Variants in LSAMP observed in about 807,000 individuals in gnomAD.
The protein encoded by LSAMP is limbic system associated membrane protein.
In LSAMP, 7 loss-of-function variants were observed where a neutral mutation model predicts 38.6. The observed-to-expected ratio is 0.18, with a 90% CI of 0.10 to 0.34. LSAMP has a LOEUF of 0.34. LSAMP is among the 10% of genes least tolerant of loss of function. The pLI is 1.00. For synonymous variants in LSAMP, 154 were observed against 166.8 expected, an observed-to-expected ratio of 0.92 and a Z score of 0.59; for missense variants, 313 against 420.0, an observed-to-expected ratio of 0.75 and a Z score of 2.23.
intron 1 of LSAMP, among the ~76,000 whole-genome samples, chr3:116,416,774 G>T (rs1459107775): frequency 6.6e-6 from 1 of 151,762 alleles, no homozygotes; most frequent in African/African-American, 2.4e-5. Flanking sequence ...TTAAAGGCAC[G>T]TGCAGCATAA....
chr3:116,247,903 A>C (rs1054757891), intron 1 of LSAMP, among the ~76,000 whole-genome samples: 3 of 152,246 alleles, frequency 2.0e-5, no homozygotes, highest in African/African-American at 7.2e-5. Flanking sequence ...AATTATAGTG[A>C]AACATCATGT....
intron 1 of LSAMP, among the ~76,000 whole-genome samples, chr3:116,190,697 C>T (rs1289232561): frequency 6.6e-6 from 1 of 152,160 alleles, no homozygotes; most frequent in Non-Finnish European, 1.5e-5. Context: ...GGGATCATAA[C>T]ATTTTGTTAA....
chr3:115,963,063 G>T (rs902490337), intron 3 of LSAMP, among the ~76,000 whole-genome samples: 26 of 152,086 alleles, frequency 1.7e-4, no homozygotes, highest in Admixed American at 1.0e-3. Flanking sequence ...TATTTAAATG[G>T]TTTTTTTTCC....
intron 6 of LSAMP, among the ~76,000 whole-genome samples, chr3:115,839,664 T>C (rs1553738539): frequency 6.6e-6 from 1 of 152,208 alleles, no homozygotes; most frequent in Non-Finnish European, 1.5e-5. Context: ...AAGTGGGACA[T>C]CTATTCTAAA....
chr3:116,245,695 G>T (rs756631989), intron 1 of LSAMP, among the ~76,000 whole-genome samples: 7 of 152,114 alleles, frequency 4.6e-5, no homozygotes, highest in Admixed American at 1.3e-4. Flanking sequence ...GTATGAAAAA[G>T]TAAGTTAGTT....
At chr3:115,846,067 C>A (rs1383221677) in intron 4 of LSAMP, among the ~76,000 whole-genome samples, 1 of 152,098 alleles carries the variant, frequency 6.6e-6, no homozygotes, top group African/African-American at 2.4e-5. Context: ...TTTCAAAATT[C>A]ATTTGTAATG....
At chr3:116,075,079 C>G (rs1397833878) in intron 2 of LSAMP, among the ~76,000 whole-genome samples, 1 of 150,856 alleles carries the variant, frequency 6.6e-6, no homozygotes, top group Non-Finnish European at 1.5e-5. Flanking sequence ...CTCTGGTGAT[C>G]TGCCCATCTT....
At chr3:116,071,413 T>C (rs1435491825) in intron 2 of LSAMP, among the ~76,000 whole-genome samples, 3 of 151,276 alleles carry the variant, frequency 2.0e-5, no homozygotes, top group African/African-American at 7.3e-5. Flanking sequence ...ATAAACTAAA[T>C]AATATAAATT....
At chr3:116,025,883 T>G (rs1052335784) in intron 2 of LSAMP, among the ~76,000 whole-genome samples, 1 of 152,222 alleles carries the variant, frequency 6.6e-6, no homozygotes, top group Non-Finnish European at 1.5e-5. Context: ...ATTTTAAAAT[T>G]TGAATTATTA....
Position 115,805,421 on chromosome 3 carries a change from T to C in LSAMP, c.*4896A>G, listed in dbSNP as rs1174781845. The C allele has an allele frequency of 6.6e-6, 1 of 152,190 alleles. No individual in the cohort carries two copies. The highest frequency in any genetic ancestry group is 2.4e-5 in the African/African-American group (1 of 41,456). 9.4% of individuals were successfully genotyped at this position (152,190 alleles called of 1,614,324 possible). On this transcript the variant is annotated 3_prime_UTR_variant, in exon 7 of 7. Coordinates refer to ENST00000490035, the MANE Select transcript of LSAMP (RefSeq NM_002338.5). ...TTTCCTTAAGAATCATAGTAAACCT[T>C]AGCAGTAGTTGGGCACTGCATGAAA...
At chr3:116,332,959 T>A (rs1343646995) in intron 1 of LSAMP, among the ~76,000 whole-genome samples, 2 of 152,018 alleles carry the variant, frequency 1.3e-5, no homozygotes, top group Admixed American at 6.6e-5. Context: ...TATAAACATA[T>A]AACTAATATT....
At chr3:116,189,453 T>C (rs74408089) in intron 1 of LSAMP, among the ~76,000 whole-genome samples, 4,269 of 152,252 alleles carry the variant, frequency 0.028, 80 homozygotes, top group Non-Finnish European at 0.043. Context: ...CAGAAAATAC[T>C]GTGTCTGGGC....
chr3:115,838,306 T>G (rs1296647678), intron 6 of LSAMP: 1 of 152,276 alleles, frequency 6.6e-6, no homozygotes, highest in Non-Finnish European at 1.5e-5. Context: ...ATGTCCGTTA[T>G]TTTAAATCTA....
At chr3:116,229,439 C>T (rs1015524310) in intron 1 of LSAMP, among the ~76,000 whole-genome samples, 2 of 151,992 alleles carry the variant, frequency 1.3e-5, no homozygotes, top group Admixed American at 6.6e-5. Flanking sequence ...AGGCAATTGC[C>T]AACATACAAA....
At chr3:116,352,600 A>G (rs966741576) in intron 1 of LSAMP, among the ~76,000 whole-genome samples, 1 of 152,146 alleles carries the variant, frequency 6.6e-6, no homozygotes, top group African/African-American at 2.4e-5. Context: ...GATACACAGT[A>G]ATAGTTCTTT....
chr3:116,388,181 C>T (rs1006106045), intron 1 of LSAMP, among the ~76,000 whole-genome samples: 1 of 151,734 alleles, frequency 6.6e-6, no homozygotes, highest in Non-Finnish European at 1.5e-5. Flanking sequence ...ATCACAGAAG[C>T]ATGAAGAAAA....
At chr3:116,181,094 G>A (rs1312115056) in intron 1 of LSAMP, among the ~76,000 whole-genome samples, 1 of 151,986 alleles carries the variant, frequency 6.6e-6, no homozygotes, top group Non-Finnish European at 1.5e-5. Context: ...AGTAGTATTT[G>A]TTTTAAGTAC....
chr3:116,228,802 T>C (rs2046369433), intron 1 of LSAMP, among the ~76,000 whole-genome samples: 1 of 152,102 alleles, frequency 6.6e-6, no homozygotes, highest in Non-Finnish European at 1.5e-5. Flanking sequence ...AGATTAGCAT[T>C]AATCCCCTCT....
At chr3:115,849,544 A>T (rs978554342) in intron 4 of LSAMP, among the ~76,000 whole-genome samples, 4 of 151,970 alleles carry the variant, frequency 2.6e-5, no homozygotes, top group African/African-American at 9.7e-5. Flanking sequence ...GCCAGTAGTT[A>T]TCTCAACCAT....
Sources: allele counts gnomAD v4.1 joint callset (sites outside exome capture counted in the v4.1 genomes callset), GRCh38; gene constraint gnomAD v4.1.1; transcripts MANE v1.5; gene names NCBI Gene and HGNC (gene_info 2026-07-23, HGNC 2026-07-21).